CFAP299: variants seen among roughly 807,000 people sequenced by gnomAD.
CFAP299 encodes cilia- and flagella-associated protein 299.
CFAP299 carries 21 observed loss-of-function variants against 27.0 expected under a neutral mutation model. The observed-to-expected ratio is 0.78, with a 90% CI of 0.55 to 1.12. The LOEUF is 1.12. Among genes scored for constraint, CFAP299 ranks in the 50% most tolerant of loss-of-function variants. CFAP299 has a pLI of 0.00. For synonymous variants in CFAP299, 104 were observed against 98.1 expected (o/e 1.06, Z -0.36); for missense variants, 310 against 276.6 (o/e 1.12, Z -0.86).
At position 80,937,312 on chromosome 4, in the gene CFAP299, C is replaced by CTTT. The variant is rs70956081; in HGVS notation, c.477-7478_477-7476dup. Among the ~76,000 whole-genome samples the CTTT allele has an allele frequency of 3.0e-3, 207 of 68,658 alleles. 4 individuals carry two copies. Among genetic ancestry groups the CTTT allele is most frequent in the East Asian group, 6.3e-3 (12 of 1,910 alleles). The allele number at this position is 68,658 out of a possible 152,430, so 45.0% of individuals were successfully genotyped here. On this transcript the variant is annotated intron_variant, in intron 4 of 5. Coordinates refer to ENST00000358105, the MANE Select transcript of CFAP299 (RefSeq NM_152770.3). ...TTTTCTTTTTTCTTTTTTTTTCTTT[C>CTTT]TTTTTTTTTTTTTTTTTTTTTTGAG... is the stretch of plus-strand genomic sequence containing the variant.
chr4:80,738,577 A>G (rs752103408), intron 3 of CFAP299, among the ~76,000 whole-genome samples: 20 of 151,542 alleles, frequency 1.3e-4, no homozygotes, highest in Non-Finnish European at 2.7e-4. Flanking sequence ...TTCCTCTGAC[A>G]TGGAATATTT....
chr4:80,549,127 A>G (rs1053499233), intron 2 of CFAP299, among the ~76,000 whole-genome samples: 3 of 152,066 alleles, frequency 2.0e-5, no homozygotes. Flanking sequence ...ATTTTTTCTA[A>G]GCACTATGAG....
chr4:80,917,447 T>G (rs2110208486), intron 4 of CFAP299, among the ~76,000 whole-genome samples: 1 of 152,252 alleles, frequency 6.6e-6, no homozygotes, highest in South Asian at 2.1e-4. Context: ...GTTTCTAGAT[T>G]TGAAAAAGGA....
intron 2 of CFAP299, among the ~76,000 whole-genome samples, chr4:80,407,619 G>A (rs1373893717): frequency 6.6e-6 from 1 of 152,172 alleles, no homozygotes; most frequent in Non-Finnish European, 1.5e-5. Context: ...CACAAGGCTA[G>A]CCCTGATGCA....
intron 4 of CFAP299, among the ~76,000 whole-genome samples, chr4:80,931,188 T>G (rs1327034376): frequency 6.8e-6 from 1 of 148,054 alleles, no homozygotes; most frequent in Non-Finnish European, 1.5e-5. Flanking sequence ...AGTGAGTGAG[T>G]GAATTAGCAT....
At chr4:80,814,448 TTAGA>T (rs1366415918) in intron 3 of CFAP299, among the ~76,000 whole-genome samples, 1 of 151,912 alleles carries the variant, frequency 6.6e-6, no homozygotes, top group African/African-American at 2.4e-5. Flanking sequence ...TTGAAGGCCG[TTAGA>T]TAGTTTCAGT....
chr4:80,559,594 G>A (rs1734943504), intron 2 of CFAP299, among the ~76,000 whole-genome samples: 1 of 152,146 alleles, frequency 6.6e-6, no homozygotes, highest in African/African-American at 2.4e-5. Context: ...ACACAGTCCT[G>A]AGTGGCAGAT....
chr4:80,378,112 C>A (rs1156407016), intron 2 of CFAP299, among the ~76,000 whole-genome samples: 1 of 152,098 alleles, frequency 6.6e-6, no homozygotes, highest in East Asian at 1.9e-4. Context: ...TGGGTGGGGG[C>A]ACAGCCAAAC....
chr4:80,593,195 T>C (rs992052934), intron 3 of CFAP299, among the ~76,000 whole-genome samples: 1 of 152,190 alleles, frequency 6.6e-6, no homozygotes, highest in Non-Finnish European at 1.5e-5. Context: ...CATTTACTCA[T>C]TCTTAGCAGA....
intron 1 of CFAP299, among the ~76,000 whole-genome samples, chr4:80,339,874 C>T (rs1406801879): frequency 2.6e-5 from 4 of 152,120 alleles, no homozygotes; most frequent in Non-Finnish European, 4.4e-5. Flanking sequence ...TCCTAATTAA[C>T]CTGCTTTTCT....
At chr4:80,908,065 CA>C (rs1283134089) in intron 4 of CFAP299, among the ~76,000 whole-genome samples, 1 of 152,188 alleles carries the variant, frequency 6.6e-6, no homozygotes, top group Non-Finnish European at 1.5e-5. Flanking sequence ...GATTAACAAG[CA>C]AGTGCAAAGT....
In CFAP299 at chr4:80,488,710, T is replaced by C. The variant is rs572480096; in HGVS notation, c.243-94383T>C. 7.9e-5 allele frequency among the ~76,000 whole-genome samples: 12 copies of C among 152,286 alleles called. No homozygotes were observed. In the South Asian group the frequency reaches 2.5e-3, roughly 32 times the overall value. ...CCAGGATGGTCTCGATCTCCTGACC[T>C]TGTGATCCGCCCACCTTGGCCTCCC... On this transcript the variant is annotated intron_variant, in intron 2 of 5. Coordinates refer to ENST00000358105, the MANE Select transcript of CFAP299 (RefSeq NM_152770.3).
chr4:80,383,550 T>C (rs1326535611), intron 2 of CFAP299, among the ~76,000 whole-genome samples: 1 of 152,120 alleles, frequency 6.6e-6, no homozygotes, highest in African/African-American at 2.4e-5. Flanking sequence ...TAATAAGATA[T>C]CAAGTTTTAC....
intron 4 of CFAP299, among the ~76,000 whole-genome samples, chr4:80,874,650 C>T (rs1455632191): frequency 6.6e-6 from 1 of 152,154 alleles, no homozygotes; most frequent in Non-Finnish European, 1.5e-5. Context: ...TTATAAGGCA[C>T]TAATCCATTT....
chr4:80,803,709 C>T (rs1276093455), intron 3 of CFAP299, among the ~76,000 whole-genome samples: 1 of 149,202 alleles, frequency 6.7e-6, no homozygotes, highest in Non-Finnish European at 1.5e-5. Context: ...GAATATACTA[C>T]ATTATATTTT....
chr4:80,533,374 G>A (rs1733566593), intron 2 of CFAP299, among the ~76,000 whole-genome samples: 1 of 152,158 alleles, frequency 6.6e-6, no homozygotes, highest in South Asian at 2.1e-4. Context: ...CACAGGTGTG[G>A]AATTCTAGGA....
intron 2 of CFAP299, among the ~76,000 whole-genome samples, chr4:80,369,581 AT>A (rs1724030002): frequency 6.6e-6 from 1 of 152,118 alleles, no homozygotes; most frequent in Non-Finnish European, 1.5e-5. Flanking sequence ...TGAGTTAGCC[AT>A]GTATTCTTCC....
chr4:80,453,191 CT>C lies in CFAP299; in HGVS notation c.242+90315del, dbSNP rs543031843. ...CAAGTAAGCAGTGAGAACTCAATCCCTTTTTTTTATATTTAAGGAAAGTTTT... is the reference window on the plus strand; with the variant it reads ...CAAGTAAGCAGTGAGAACTCAATCCCTTTTTTTATATTTAAGGAAAGTTTT... On this transcript the variant is annotated intron_variant, in intron 2 of 5. Transcript: ENST00000358105. Among the ~76,000 whole-genome samples the C allele has an allele frequency of 4.6e-4, 70 of 151,976 alleles. 1 individual carries two copies. The highest frequency in any genetic ancestry group is 1.9e-4 in the East Asian group (1 of 5,164).
intron 3 of CFAP299, among the ~76,000 whole-genome samples, chr4:80,712,185 A>T (rs1425970152): frequency 6.6e-6 from 1 of 152,154 alleles, no homozygotes; most frequent in Non-Finnish European, 1.5e-5. Context: ...TATGTTATGT[A>T]TTTAAGGCAT....
Sources: allele counts gnomAD v4.1 joint callset (sites outside exome capture counted in the v4.1 genomes callset), GRCh38; gene constraint gnomAD v4.1.1; transcripts MANE v1.5; gene names NCBI Gene and HGNC (gene_info 2026-07-23, HGNC 2026-07-21).